CORO2A: variants seen among roughly 807,000 people sequenced by gnomAD.
CORO2A encodes the protein coronin-2A.
In CORO2A, 47 loss-of-function variants were observed where a neutral mutation model predicts 62.4. The observed-to-expected ratio is 0.75, with a 90% CI of 0.60 to 0.96. The LOEUF (loss-of-function observed/expected upper bound fraction) is 0.96, where lower values mean the gene tolerates loss of function less well. Among genes scored for constraint, CORO2A ranks in the 40% least tolerant of loss-of-function variants. The pLI, the probability that CORO2A is intolerant of heterozygous loss-of-function variation, is 0.00. For missense variants in CORO2A, 610 were observed against 684.1 expected (o/e 0.89, Z 1.21); for synonymous variants, 273 against 268.9 (o/e 1.02, Z -0.15).
intron 2 of CORO2A, among the ~76,000 whole-genome samples, chr9:98,138,440 C>T (rs113299878): frequency 6.6e-6 from 1 of 151,552 alleles, no homozygotes; most frequent in African/African-American, 2.4e-5. Context: ...ACTGGTTCAC[C>T]AATGTTCACA....
At chr9:98,149,300 G>C (rs1164865794) in intron 2 of CORO2A, among the ~76,000 whole-genome samples, 1 of 152,206 alleles carries the variant, frequency 6.6e-6, no homozygotes, top group Non-Finnish European at 1.5e-5. Flanking sequence ...ATCTCTGGGA[G>C]CTTGTTGGAG....
intron 1 of CORO2A, among the ~76,000 whole-genome samples, chr9:98,188,833 C>A (rs1314298631): frequency 1.3e-5 from 2 of 152,094 alleles, no homozygotes; most frequent in African/African-American, 4.8e-5. Flanking sequence ...AACAAAAAAA[C>A]TAGTACAATG....
chr9:98,154,975 G>T (rs2417732), intron 2 of CORO2A, among the ~76,000 whole-genome samples: 18,200 of 152,178 alleles, frequency 0.12, 1,738 homozygotes, highest in East Asian at 0.48. Flanking sequence ...GTATTTCTGG[G>T]TCACAGGTAT....
intron 1 of CORO2A, among the ~76,000 whole-genome samples, chr9:98,182,109 G>C (rs188218739): frequency 1.3e-5 from 2 of 152,272 alleles, no homozygotes; most frequent in Admixed American, 1.3e-4. Context: ...GGGACTCTAC[G>C]ATTACTGTCC....
intron 1 of CORO2A, among the ~76,000 whole-genome samples, chr9:98,184,734 A>T (rs1828218328): frequency 6.6e-6 from 1 of 152,164 alleles, no homozygotes; most frequent in Non-Finnish European, 1.5e-5. Flanking sequence ...CAGGCACAGA[A>T]ATACTCCAGA....
rs1827271060 is a variant in CORO2A, at chr9:98,123,520, G to T, written c.*1254C>A. 6.7e-6 allele frequency: 1 copy of T among 149,430 alleles called. No homozygotes were observed. The highest frequency in any genetic ancestry group is 1.5e-5 in the Non-Finnish European group (1 of 67,584). 9.3% of individuals were successfully genotyped at this position (149,430 alleles called of 1,614,324 possible). On this transcript the variant is annotated 3_prime_UTR_variant, in exon 12 of 12. Coordinates refer to ENST00000375077, the MANE Select transcript of CORO2A (RefSeq NM_052820.4). ...CTTTTTTTTTTTTTTTTTGGAGATG[G>T]AGTCTCGCTCTGTCACCCAGGCTGC... is the stretch of plus-strand genomic sequence containing the variant.
intron 1 of CORO2A, among the ~76,000 whole-genome samples, chr9:98,159,043 C>T (rs566226362): frequency 6.6e-6 from 1 of 151,610 alleles, no homozygotes; most frequent in South Asian, 2.1e-4. Flanking sequence ...CACCCCACCC[C>T]CACCTCATAT....
intron 2 of CORO2A, among the ~76,000 whole-genome samples, chr9:98,143,729 G>A (rs1218472690): frequency 6.6e-6 from 1 of 152,108 alleles, no homozygotes; most frequent in East Asian, 1.9e-4. Flanking sequence ...TATGTTTCAG[G>A]GGCCAGGGGA....
intron 1 of CORO2A, among the ~76,000 whole-genome samples, chr9:98,187,702 T>G (rs1229069610): frequency 1.3e-5 from 2 of 152,064 alleles, no homozygotes; most frequent in African/African-American, 4.8e-5. Flanking sequence ...CTGACCTAAT[T>G]CCCTCTCAAA....
intron 7 of CORO2A, 41 bp from the exon 8 acceptor site, chr9:98,129,931 C>T (rs758105360): frequency 2.6e-6 from 4 of 1,529,402 alleles, no homozygotes; most frequent in Non-Finnish European, 3.6e-6. Flanking sequence ...AGATTCAGAG[C>T]TGGAGCTCAT....
chr9:98,152,831 G>GA (rs778106490), intron 2 of CORO2A, among the ~76,000 whole-genome samples: 1 of 152,020 alleles, frequency 6.6e-6, no homozygotes, highest in Non-Finnish European at 1.5e-5. Flanking sequence ...CTTTACTCCT[G>GA]AAAAATGTTA....
chr9:98,148,121 A>G (rs576481651), intron 2 of CORO2A, among the ~76,000 whole-genome samples: 1 of 149,486 alleles, frequency 6.7e-6, no homozygotes, highest in Non-Finnish European at 1.5e-5. Flanking sequence ...GAGGCCAGGC[A>G]AGGTGGTTCA....
At chr9:98,169,142 T>A (rs1354336746) in intron 1 of CORO2A, among the ~76,000 whole-genome samples, 2 of 152,190 alleles carry the variant, frequency 1.3e-5, no homozygotes, top group African/African-American at 4.8e-5. Flanking sequence ...AGAAGCCGTC[T>A]GCAGCCGGCA....
intron 1 of CORO2A, among the ~76,000 whole-genome samples, chr9:98,184,129 C>T (rs1410052008): frequency 6.6e-6 from 1 of 152,082 alleles, no homozygotes. Flanking sequence ...ATTTTGATAT[C>T]CTTGGGTGTC....
chr9:98,144,788 C>T (rs3780460), intron 2 of CORO2A, among the ~76,000 whole-genome samples: 33,147 of 151,754 alleles, frequency 0.22, 3,920 homozygotes, highest in East Asian at 0.45. Flanking sequence ...CCAGCGGGCA[C>T]GGTAGGCTGG....
Position 98,133,057 on chromosome 9 carries a change from C to CG in CORO2A, c.628dup (p.Arg210ProfsTer48). On this transcript the variant is annotated frameshift_variant, in exon 5 of 12. Transcript: ENST00000375077. LOFTEE classifies it high-confidence loss of function. ...ACTGACCTGGAGGACGGTCCCTGCT[C>CG]GGGGGTCAATAACCCGAATCTTGCG... is the stretch of plus-strand genomic sequence containing the variant. 2 of 1,614,196 alleles carry CG rather than the reference C, an allele frequency of 1.2e-6. No homozygotes were observed. The highest frequency in any genetic ancestry group is 1.7e-6 in the Non-Finnish European group (2 of 1,180,026).
chr9:98,163,381 G>T (rs1827912691), intron 1 of CORO2A, among the ~76,000 whole-genome samples: 1 of 152,138 alleles, frequency 6.6e-6, no homozygotes, highest in Non-Finnish European at 1.5e-5. Flanking sequence ...GTAGAGACAG[G>T]GTTTTGCCAA....
intron 1 of CORO2A, among the ~76,000 whole-genome samples, chr9:98,173,668 G>A (rs950343285): frequency 1.3e-5 from 2 of 152,182 alleles, no homozygotes; most frequent in African/African-American, 2.4e-5. Flanking sequence ...TATTGCGTCT[G>A]CTGTCCCATA....
At chr9:98,126,185 G>A (rs13288286) in intron 11 of CORO2A, among the ~76,000 whole-genome samples, 3 of 151,670 alleles carry the variant, frequency 2.0e-5, no homozygotes, top group Admixed American at 6.6e-5. Context: ...ACAGGTGTAC[G>A]CCACCACACC....
Sources: gnomAD v4.1 joint callset for allele counts (sites outside exome capture counted in the v4.1 genomes callset) on GRCh38, gnomAD v4.1.1 for gene constraint, MANE v1.5 for transcripts, NCBI Gene and HGNC (gene_info 2026-07-23, HGNC 2026-07-21) for gene names.